The following RFX3 variants were observed in gnomAD, a reference collection of about 807,000 sequenced individuals.
RFX3 encodes transcription factor RFX3.
Under a neutral mutation model 98.6 loss-of-function variants are expected in RFX3, and 14 were observed. That is an observed-to-expected ratio of 0.14 (90% CI 0.09 to 0.22). RFX3 has a LOEUF of 0.22. Ranked by LOEUF, RFX3 falls within the 10% of genes least tolerant of loss-of-function variation. The pLI is 1.00. For synonymous variants in RFX3, 383 were observed against 328.4 expected (o/e 1.17, Z -1.80); for missense variants, 639 against 926.9 (o/e 0.69, Z 4.03).
At chr9:3,279,764 A>G (rs574908481) in intron 7 of RFX3, among the ~76,000 whole-genome samples, 65 of 151,942 alleles carry the variant, frequency 4.3e-4, no homozygotes, top group African/African-American at 1.5e-3. Context: ...AGTATTGCAA[A>G]TGAAAGTTCC....
Position 3,328,370 on chromosome 9 carries a change from G to C in RFX3, c.474+1889C>G, listed in dbSNP as rs184247727. On this transcript the variant is annotated intron_variant, in intron 4 of 16. Transcript: ENST00000617270. ...TGTAAATCTAATGGTGCTAAAGCTA[G>C]GAGGAAACTAGGAAATCATTTAGTC... Among the ~76,000 whole-genome samples the C allele has an allele frequency of 3.3e-5, 5 of 152,174 alleles. No individual in the cohort carries two copies. In the East Asian group the frequency reaches 9.7e-4, roughly 29 times the overall value.
chr9:3,490,631 A>T (rs1850655761), intron 1 of RFX3, among the ~76,000 whole-genome samples: 1 of 152,124 alleles, frequency 6.6e-6, no homozygotes, highest in Non-Finnish European at 1.5e-5. Flanking sequence ...ATAATAAGAA[A>T]TATAAATTAG....
At chr9:3,416,731 A>C (rs1843018757) in intron 1 of RFX3, among the ~76,000 whole-genome samples, 2 of 152,176 alleles carry the variant, frequency 1.3e-5, no homozygotes, top group South Asian at 4.1e-4. Context: ...GTAAAACATA[A>C]AGAAGTAGAG....
chr9:3,470,332 T>C (rs1414518600), intron 1 of RFX3, among the ~76,000 whole-genome samples: 1 of 150,686 alleles, frequency 6.6e-6, no homozygotes, highest in Non-Finnish European at 1.5e-5. Flanking sequence ...TTTTTTTTTT[T>C]GAGACGGAGT....
chr9:3,231,239 A>T (rs1411596745), intron 15 of RFX3, among the ~76,000 whole-genome samples: 2 of 152,180 alleles, frequency 1.3e-5, no homozygotes, highest in Non-Finnish European at 2.9e-5. Context: ...TAAAAATTTT[A>T]AAAATCCTGT....
intron 1 of RFX3, among the ~76,000 whole-genome samples, chr9:3,477,672 G>A (rs1244966038): frequency 1.3e-5 from 2 of 152,118 alleles, no homozygotes; most frequent in Non-Finnish European, 2.9e-5. Context: ...TGAGCTTCTT[G>A]GATGTGTAGC....
chr9:3,520,523 C>T (rs1818603095), intron 1 of RFX3, among the ~76,000 whole-genome samples: 1 of 151,988 alleles, frequency 6.6e-6, no homozygotes, highest in Non-Finnish European at 1.5e-5. Context: ...TCTCACTGAA[C>T]AAATAAAATA....
At chr9:3,368,750 C>T (rs549439391) in intron 2 of RFX3, among the ~76,000 whole-genome samples, 14 of 152,272 alleles carry the variant, frequency 9.2e-5, no homozygotes, top group Non-Finnish European at 1.3e-4. Flanking sequence ...CTGCCTGGAA[C>T]CCTTCAACAA....
At chr9:3,320,515 G>A (rs1329605014) in intron 4 of RFX3, among the ~76,000 whole-genome samples, 2 of 150,384 alleles carry the variant, frequency 1.3e-5, no homozygotes, top group Non-Finnish European at 1.5e-5. Flanking sequence ...TCAAACCACC[G>A]CGTTCCAGCC....
intron 2 of RFX3, among the ~76,000 whole-genome samples, chr9:3,352,524 G>A (rs1232486677): frequency 6.6e-6 from 1 of 151,918 alleles, no homozygotes; most frequent in Non-Finnish European, 1.5e-5. Flanking sequence ...CACTATGGCT[G>A]ATCACATCTT....
intron 13 of RFX3, among the ~76,000 whole-genome samples, chr9:3,262,441 T>A (rs1702579690): frequency 6.6e-6 from 1 of 152,184 alleles, no homozygotes. Flanking sequence ...GCAGCTATAG[T>A]AAACTCTGAA....
At chr9:3,433,447 T>C (rs192452984) in intron 1 of RFX3, among the ~76,000 whole-genome samples, 1 of 152,328 alleles carries the variant, frequency 6.6e-6, no homozygotes, top group East Asian at 1.9e-4. Flanking sequence ...CTTAATTTAC[T>C]GTAAGAATAC....
chr9:3,296,572 T>C (rs1369117932), intron 5 of RFX3, among the ~76,000 whole-genome samples: 1 of 152,082 alleles, frequency 6.6e-6, no homozygotes, highest in East Asian at 1.9e-4. Context: ...TATATTTATA[T>C]AAATCACTAG....
intron 7 of RFX3, among the ~76,000 whole-genome samples, chr9:3,283,221 C>T (rs117774585): frequency 0.018 from 2,754 of 151,798 alleles, 29 homozygotes; most frequent in Non-Finnish European, 0.027. Context: ...AGGCTTCATT[C>T]TCCTCCAAAA....
At chr9:3,428,066 A>G (rs1844287873) in intron 1 of RFX3, among the ~76,000 whole-genome samples, 1 of 152,122 alleles carries the variant, frequency 6.6e-6, no homozygotes, top group South Asian at 2.1e-4. Flanking sequence ...CCTTCTCTCA[A>G]TAATCACAGT....
At chr9:3,505,279 T>A (rs1816884797) in intron 1 of RFX3, among the ~76,000 whole-genome samples, 5 of 65,744 alleles carry the variant, frequency 7.6e-5, no homozygotes, top group African/African-American at 3.7e-4. Flanking sequence ...TATATGAATA[T>A]ATACATTTTT....
intron 4 of RFX3, among the ~76,000 whole-genome samples, chr9:3,305,212 T>C (rs925439179): frequency 7.9e-5 from 12 of 151,988 alleles, no homozygotes; most frequent in African/African-American, 2.9e-4. Context: ...ATACATTTCA[T>C]GTATATATGG....
At chr9:3,372,867 T>C (rs992506059) in intron 2 of RFX3, among the ~76,000 whole-genome samples, 2 of 152,174 alleles carry the variant, frequency 1.3e-5, no homozygotes, top group African/African-American at 4.8e-5. Context: ...ATTACATGCA[T>C]GAGCCACTGT....
intron 14 of RFX3, among the ~76,000 whole-genome samples, chr9:3,254,078 AT>A (rs1194946131): frequency 6.6e-6 from 1 of 152,124 alleles, no homozygotes. Context: ...ATAGTATCTA[AT>A]AATAACAAGC....
Sources: gnomAD v4.1 joint callset for allele counts (sites outside exome capture counted in the v4.1 genomes callset) on GRCh38, gnomAD v4.1.1 for gene constraint, MANE v1.5 for transcripts, NCBI Gene and HGNC (gene_info 2026-07-23, HGNC 2026-07-21) for gene names.